The following CFAP54 variants were observed in gnomAD, a reference collection of about 807,000 sequenced individuals.
CFAP54 encodes cilia- and flagella-associated protein 54.
CFAP54 carries 290 observed loss-of-function variants against 370.4 expected under a neutral mutation model. The ratio of observed to expected loss-of-function variants is 0.78; its 90% CI spans 0.71 to 0.86. The LOEUF (loss-of-function observed/expected upper bound fraction) is 0.86, where lower values mean the gene tolerates loss of function less well. Among genes scored for constraint, CFAP54 ranks in the 40% least tolerant of loss-of-function variants. The pLI, the probability that CFAP54 is intolerant of heterozygous loss-of-function variation, is 0.00. For synonymous variants in CFAP54, 1,206 were observed against 1,236.5 expected, an observed-to-expected ratio of 0.98 and a Z score of 0.52; for missense variants, 3,399 against 3,528.7, an observed-to-expected ratio of 0.96 and a Z score of 0.93.
In CFAP54 at chr12:96,757,594, A is replaced by C. The variant is rs1287155987; in HGVS notation, c.8040+6A>C. The C allele has an allele frequency of 6.6e-7, 1 of 1,521,052 alleles. No individual in the cohort carries two copies. Among genetic ancestry groups the C allele is most frequent in the Admixed American group, 1.8e-5 (1 of 57,074 alleles). The allele number at this position is 1,521,052 out of a possible 1,614,324, so 94.2% of individuals were successfully genotyped here. On this transcript the variant is annotated splice_donor_region_variant and intron_variant, in intron 58 of 67. Transcript: ENST00000524981. ...GATCACCATTAACACTTAAGGTAAG[A>C]GTCTATTTTATTAGAAATTATGAGT...
In CFAP54 at chr12:96,711,434, G is replaced by C. The variant is rs187314938; in HGVS notation, c.6724+2631G>C. 9.2e-5 allele frequency among the ~76,000 whole-genome samples: 14 copies of C among 152,178 alleles called. No individual in the cohort carries two copies. In the East Asian group the frequency reaches 2.3e-3, roughly 25 times the overall value. ...CACTACACTTATGAGTTGGGAAAAA[G>C]ACTTAGAGGGGCTCCTGTGTTCTCA... On this transcript the variant is annotated intron_variant, in intron 48 of 67. Transcript: ENST00000524981.
chr12:96,664,789 A>ATCTATATCTATC, intron 39 of CFAP54, among the ~76,000 whole-genome samples: 2 of 17,360 alleles, frequency 1.2e-4, no homozygotes, highest in East Asian at 4.1e-3. Context: ...ATATATATAT[A>ATCTATATCTATC]TATATATATA....
chr12:96,566,547 A>G (rs1020344963), intron 19 of CFAP54, among the ~76,000 whole-genome samples: 3 of 152,140 alleles, frequency 2.0e-5, no homozygotes, highest in African/African-American at 7.2e-5. Context: ...AAACGTGGAT[A>G]CAGATTGAGT....
intron 22 of CFAP54, among the ~76,000 whole-genome samples, chr12:96,581,742 T>C (rs934884049): frequency 1.3e-5 from 2 of 152,034 alleles, no homozygotes; most frequent in Non-Finnish European, 2.9e-5. Context: ...ATTTAAATCA[T>C]AGTATACATA....
intron 1 of CFAP54, among the ~76,000 whole-genome samples, chr12:96,493,427 C>A (rs1374081874): frequency 6.6e-6 from 1 of 152,200 alleles, no homozygotes; most frequent in African/African-American, 2.4e-5. Context: ...GTGAACCAGA[C>A]AAAAGTCTCT....
In CFAP54 at chr12:96,691,319, T is replaced by C. The variant is rs1368387626; in HGVS notation, c.6264+9T>C. 6.4e-7 allele frequency: 1 copy of C among 1,559,390 alleles called. No homozygotes were observed. Among genetic ancestry groups the C allele is most frequent in the Non-Finnish European group, 8.7e-7 (1 of 1,155,166 alleles). Reference sequence around the variant, plus strand: ...TTAGGCAAAACCTAATAGTAAGTAATTTGTAAAATAAAAATTATATATCAC... The same window carrying C: ...TTAGGCAAAACCTAATAGTAAGTAACTTGTAAAATAAAAATTATATATCAC... On this transcript the variant is annotated intron_variant, in intron 44 of 67. Transcript: ENST00000524981.
intron 60 of CFAP54, among the ~76,000 whole-genome samples, chr12:96,780,504 G>A (rs1379920247): frequency 6.6e-6 from 1 of 152,004 alleles, no homozygotes; most frequent in African/African-American, 2.4e-5. Context: ...GAGAGGAGAG[G>A]GAGAGAGAAA....
intron 64 of CFAP54, among the ~76,000 whole-genome samples, chr12:96,812,715 T>C (rs2136728630): frequency 1.3e-5 from 2 of 152,338 alleles, no homozygotes; most frequent in Middle Eastern, 6.8e-3. Flanking sequence ...GAATTAGTGT[T>C]TCTCTGTCCT....
chr12:96,858,771 A>G (rs1370772531), intron 66 of CFAP54, among the ~76,000 whole-genome samples: 1 of 152,228 alleles, frequency 6.6e-6, no homozygotes, highest in Non-Finnish European at 1.5e-5. Context: ...AAAGCATCCC[A>G]TGCTCATTGA....
chr12:96,525,973 C>T (rs984877613), intron 8 of CFAP54, among the ~76,000 whole-genome samples: 15 of 152,178 alleles, frequency 9.9e-5, no homozygotes, highest in African/African-American at 2.4e-5. Context: ...CGTGAGCCGC[C>T]GCACCCAGCC....
At chr12:96,533,624 G>T (rs1295755101) in intron 9 of CFAP54, among the ~76,000 whole-genome samples, 168 bp from the exon 10 acceptor site, 1 of 152,136 alleles carries the variant, frequency 6.6e-6, no homozygotes, top group Non-Finnish European at 1.5e-5. Context: ...TGTCCCTAAA[G>T]CACCACCCTG....
At chr12:96,557,230 C>T (rs1479097891) in intron 17 of CFAP54, among the ~76,000 whole-genome samples, 2 of 152,086 alleles carry the variant, frequency 1.3e-5, no homozygotes, top group African/African-American at 4.8e-5. Flanking sequence ...CCTTCTCATG[C>T]CATCTCTTTG....
In CFAP54 at chr12:96,771,544, C is replaced by T. The variant is rs185896788; in HGVS notation, c.8281+6326C>T. ...GTGGGCCCCTGTAGTCCCAGCTACT[C>T]GGGAGGCTGAGGCAGGAGAATGGCG... On this transcript the variant is annotated intron_variant, in intron 60 of 67. Coordinates refer to ENST00000524981, the MANE Select transcript of CFAP54 (RefSeq NM_001306084.2). 3.8e-4 allele frequency among the ~76,000 whole-genome samples: 58 copies of T among 152,180 alleles called. 1 individual carries two copies. The East Asian group carries it at 7.7e-3, about 20-fold the overall frequency.
At chr12:96,572,032 T>G (rs1265108506) in intron 19 of CFAP54, among the ~76,000 whole-genome samples, 7 of 152,226 alleles carry the variant, frequency 4.6e-5, no homozygotes, top group Non-Finnish European at 8.8e-5. Flanking sequence ...GGTCTAAAGT[T>G]AAAATTGATC....
At chr12:96,625,088 T>C (rs1956535813) in intron 28 of CFAP54, among the ~76,000 whole-genome samples, 1 of 152,138 alleles carries the variant, frequency 6.6e-6, no homozygotes. Context: ...TCAAAAACAA[T>C]AATAAAATGA....
At chr12:96,794,244 C>G (rs1396614235) in intron 63 of CFAP54, among the ~76,000 whole-genome samples, 2 of 152,164 alleles carry the variant, frequency 1.3e-5, no homozygotes, top group Non-Finnish European at 2.9e-5. Context: ...AATGAATTTT[C>G]ATGGTGTTCT....
intron 6 of CFAP54, among the ~76,000 whole-genome samples, chr12:96,520,280 A>G (rs1955290318): frequency 6.6e-6 from 1 of 152,190 alleles, no homozygotes; most frequent in African/African-American, 2.4e-5. Flanking sequence ...ATGGTGGCTC[A>G]TGCCTGTAAT....
intron 47 of CFAP54, among the ~76,000 whole-genome samples, chr12:96,705,581 G>C (rs1957537763): frequency 2.0e-5 from 3 of 152,098 alleles, no homozygotes; most frequent in African/African-American, 7.2e-5. Context: ...TTAAATGCTA[G>C]AGCATCCTAA....
chr12:96,673,043 T>A (rs1957167184), intron 39 of CFAP54, among the ~76,000 whole-genome samples: 1 of 152,184 alleles, frequency 6.6e-6, no homozygotes, highest in Non-Finnish European at 1.5e-5. Flanking sequence ...GGGTTGATTC[T>A]CAATGGCGGT....
Sources: allele counts gnomAD v4.1 joint callset (sites outside exome capture counted in the v4.1 genomes callset), GRCh38; gene constraint gnomAD v4.1.1; transcripts MANE v1.5; gene names NCBI Gene and HGNC (gene_info 2026-07-23, HGNC 2026-07-21).